CD33: variants seen among roughly 807,000 people sequenced by gnomAD.
The protein encoded by CD33 is myeloid cell surface antigen CD33.
CD33 carries 25 observed loss-of-function variants against 31.4 expected under a neutral mutation model. The ratio of observed to expected loss-of-function variants is 0.80; its 90% confidence interval spans 0.58 to 1.11. The LOEUF (loss-of-function observed/expected upper bound fraction) is 1.11. CD33 is among the 50% of genes most tolerant of loss of function. The pLI is 0.00. For missense variants in CD33, 407 were observed against 448.1 expected (o/e 0.91, Z 0.83); for synonymous variants, 176 against 180.6 (o/e 0.97, Z 0.20).
At chr19:51,232,162 A>G (rs1192923362) in intron 4 of CD33, among the ~76,000 whole-genome samples, 1 of 152,180 alleles carries the variant, frequency 6.6e-6, no homozygotes, top group Admixed American at 6.5e-5. Context: ...TTTCTGAAAG[A>G]TAGCTTTTCT....
At chr19:51,211,747 C>T in the CD33 span, 9 of 767,928 alleles carry the variant, frequency 1.2e-5, no homozygotes, top group Non-Finnish European at 1.8e-5. Context: ...CAGGGCTGTA[C>T]CTCAGTCACC....
At chr19:51,231,414 C>G (rs545397109) in intron 4 of CD33, among the ~76,000 whole-genome samples, 1 of 152,376 alleles carries the variant, frequency 6.6e-6, no homozygotes, top group African/African-American at 2.4e-5. Flanking sequence ...ATCACCCCAA[C>G]AAGCTGAGTC....
At chr19:51,211,455 T>A in the CD33 span, 1 of 1,568,808 alleles carries the variant, frequency 6.4e-7, no homozygotes, top group East Asian at 2.2e-5. Flanking sequence ...TCCTTGGGGA[T>A]CCCAGTAAGA....
rs1982038961 is a variant in CD33 at position 51,239,674 on chromosome 19, G to A, written c.1081G>A (p.Val361Ile). The change falls in exon 7 of 7, where the codon GTC becomes ATC. Residue 361 changes from valine to isoleucine, a missense_variant. Val to Ile is a conservative substitution (Grantham distance 29). Transcript: ENST00000262262. The part of the protein sequence containing the change: ...SKDTSTEYSE[V>I]RTQ ...GGACACCTCCACCGAATACTCAGAG[G>A]TCAGGACCCAGTGAGGAACCCACAA... 1.2e-6 allele frequency: 2 copies of A among 1,610,812 alleles called. No individual in the cohort carries two copies. Among genetic ancestry groups the A allele is most frequent in the Non-Finnish European group, 1.7e-6 (2 of 1,178,798 alleles).
chr19:51,235,970 A>G, intron 6 of CD33: 1 of 673,536 alleles, frequency 1.5e-6, no homozygotes, highest in Non-Finnish European at 2.7e-6. Flanking sequence ...TATCCTGGCT[A>G]ACATGGTGAA....
chr19:51,218,765 G>A, the CD33 span, among the ~76,000 whole-genome samples: 5 of 152,226 alleles, frequency 3.3e-5, no homozygotes, highest in East Asian at 3.9e-4. Context: ...TCCCAGCACC[G>A]TTTAATTAAT....
the CD33 span, among the ~76,000 whole-genome samples, chr19:51,215,019 C>T: frequency 6.6e-6 from 1 of 152,096 alleles, no homozygotes. Context: ...CCTCATCCCA[C>T]TTTTTTGTAG....
chr19:51,220,062 C>T, the CD33 span, among the ~76,000 whole-genome samples: 1 of 152,172 alleles, frequency 6.6e-6, no homozygotes, highest in Non-Finnish European at 1.5e-5. Context: ...AGAGGATTCC[C>T]TCCTCCTGAA....
At chr19:51,236,569 T>C (rs1452497954) in intron 6 of CD33, 2 of 152,300 alleles carry the variant, frequency 1.3e-5, no homozygotes, top group Non-Finnish European at 2.9e-5. Flanking sequence ...CTACTATCCT[T>C]GGGAAAGGCA....
chr19:51,233,687 A>T (rs1981580921), intron 4 of CD33, among the ~76,000 whole-genome samples: 1 of 152,222 alleles, frequency 6.6e-6, no homozygotes, highest in Non-Finnish European at 1.5e-5. Flanking sequence ...GAGGACTGTA[A>T]GATTAACCTG....
At chr19:51,238,721 G>C (rs1450977202) in intron 6 of CD33, 1 of 152,270 alleles carries the variant, frequency 6.6e-6, no homozygotes, top group South Asian at 2.1e-4. Flanking sequence ...GAGTTCAAGA[G>C]AGAATGGGAG....
At chr19:51,221,654 C>T (rs1980692440), upstream of CD33, among the ~76,000 whole-genome samples, 2 of 152,122 alleles carry the variant, frequency 1.3e-5, no homozygotes, top group South Asian at 2.1e-4. Context: ...TAAGTATTTA[C>T]CCAAGAGCAA....
rs747475762 is a variant in CD33, at chr19:51,225,592, G to A, written c.412G>A (p.Val138Met). The change falls in exon 2 of 7, where the codon GTG becomes ATG. Residue 138 changes from valine to methionine, a missense_variant. Transcript: ENST00000262262. ...SYKSPQLSVH[V>M]TDLTHRPKIL... Reference sequence around the variant, plus strand: ...CAAATCTCCCCAGCTCTCTGTGCATGTGACAGGTGAGGCACAGGCTTCAGA... The same window carrying A: ...CAAATCTCCCCAGCTCTCTGTGCATATGACAGGTGAGGCACAGGCTTCAGA... The A allele has an allele frequency of 1.3e-6, 2 of 1,554,186 alleles. No homozygotes were observed. The highest frequency in any genetic ancestry group is 1.7e-6 in the Non-Finnish European group (2 of 1,149,958).
the CD33 span, among the ~76,000 whole-genome samples, chr19:51,219,909 C>G: frequency 6.6e-6 from 1 of 152,112 alleles, no homozygotes; most frequent in East Asian, 1.9e-4. Flanking sequence ...TTTTGATGTG[C>G]TGTTGAATTT....
upstream of CD33, among the ~76,000 whole-genome samples, chr19:51,223,177 G>A (rs1980769415): frequency 6.6e-6 from 1 of 151,972 alleles, no homozygotes; most frequent in African/African-American, 2.4e-5. Context: ...CTGTGGTCAG[G>A]CCGGTGCACT....
At chr19:51,231,294 C>T (rs1178684158) in intron 4 of CD33, among the ~76,000 whole-genome samples, 2 of 152,234 alleles carry the variant, frequency 1.3e-5, no homozygotes, top group African/African-American at 4.8e-5. Flanking sequence ...TTCACAGCCT[C>T]CATACTAGCG....
chr19:51,239,495 C>G (rs763641050), intron 6 of CD33, 23 bp from the exon 7 acceptor site: 50 of 1,561,896 alleles, frequency 3.2e-5, no homozygotes, highest in Non-Finnish European at 4.3e-5. Context: ...CCTGCTCTAA[C>G]CCCCTTCTTT....
In CD33 at chr19:51,235,080, C is replaced by T. The variant is rs1021073303; in HGVS notation, c.746-77C>T. The T allele has an allele frequency of 8.2e-6, 10 of 1,219,898 alleles. No individual in the cohort carries two copies. In the African/African-American group the frequency reaches 1.5e-4, roughly 18 times the overall value. The allele number at this position is 1,219,898 out of a possible 1,614,324, so 75.6% of individuals were successfully genotyped here. The stretch of plus-strand genomic sequence containing the variant: ...CCATTTTGGAGGTGAAGTCACCCCT[C>T]TCTACATGCTGGAGAGGAGGATACA... On this transcript the variant is annotated intron_variant, in intron 4 of 6. Transcript: ENST00000262262.
the CD33 span, chr19:51,211,216 G>A: frequency 1.1e-5 from 17 of 1,571,710 alleles, no homozygotes; most frequent in Middle Eastern, 1.7e-4. Context: ...AGGGGCCCTG[G>A]CTATGGATCC....
Sources: allele counts gnomAD v4.1 joint callset (sites outside exome capture counted in the v4.1 genomes callset), GRCh38; gene constraint gnomAD v4.1.1; transcripts MANE v1.5; gene names NCBI Gene and HGNC (gene_info 2026-07-23, HGNC 2026-07-21).